RICTOR: variants seen among roughly 807,000 people sequenced by gnomAD.
RICTOR encodes rapamycin-insensitive companion of mTOR.
Under a neutral mutation model 214.9 loss-of-function variants are expected in RICTOR, and 49 were observed. The ratio of observed to expected loss-of-function variants is 0.23; its 90% CI spans 0.18 to 0.29. The LOEUF (loss-of-function observed/expected upper bound fraction) is 0.29, where lower values mean the gene tolerates loss of function less well. Among genes scored for constraint, RICTOR ranks in the 10% least tolerant of loss-of-function variants. The pLI, the probability that RICTOR is intolerant of heterozygous loss-of-function variation, is 1.00. For synonymous variants in RICTOR, 717 were observed against 711.3 expected (o/e 1.01, Z -0.13); for missense variants, 1,625 against 2,047.0 (o/e 0.79, Z 3.98).
At position 38,966,731 on chromosome 5, in the gene RICTOR, TA is replaced by T; in HGVS notation, c.1219-11del. The T allele has an allele frequency of 7.0e-7, 1 of 1,433,900 alleles. No homozygotes were observed. The highest frequency in any genetic ancestry group is 9.7e-7 in the Non-Finnish European group (1 of 1,030,782). The allele number at this position is 1,433,900 out of a possible 1,614,324, so 88.8% of individuals were successfully genotyped here. Reference sequence around the variant, plus strand: ...TCACTTCAACTAGACCCTTTGAAAATAAAAAGATAACACCACTGTTGCAAAA... The same window carrying T: ...TCACTTCAACTAGACCCTTTGAAAATAAAAGATAACACCACTGTTGCAAAA... On this transcript the variant is annotated splice_polypyrimidine_tract_variant and intron_variant, in intron 14 of 37. Transcript: ENST00000357387.
chr5:38,987,231 G>C (rs924281287), intron 7 of RICTOR, among the ~76,000 whole-genome samples: 1 of 152,048 alleles, frequency 6.6e-6, no homozygotes, highest in African/African-American at 2.4e-5. Context: ...GGATGGTACT[G>C]GCCTCAAAAA....
At chr5:38,942,451 A>G in intron 37 of RICTOR, 73 bp from the exon 38 acceptor site, 1 of 788,540 alleles carries the variant, frequency 1.3e-6, no homozygotes, top group Non-Finnish European at 1.9e-6. Context: ...ATAAATATCT[A>G]ATTTTTTTTT....
intron 3 of RICTOR, among the ~76,000 whole-genome samples, chr5:39,013,612 A>G (rs1304006913): frequency 1.3e-5 from 2 of 152,128 alleles, no homozygotes; most frequent in Non-Finnish European, 2.9e-5. Flanking sequence ...ATAGTTGTAA[A>G]TAAGCAAAAG....
chr5:39,010,633 G>T (rs942241229), intron 3 of RICTOR, among the ~76,000 whole-genome samples: 1 of 152,206 alleles, frequency 6.6e-6, no homozygotes, highest in African/African-American at 2.4e-5. Context: ...CTGAGATGGA[G>T]ATGAGGAACT....
chr5:38,968,833 G>A (rs1292135060), intron 11 of RICTOR, among the ~76,000 whole-genome samples: 1 of 151,566 alleles, frequency 6.6e-6, no homozygotes, highest in Non-Finnish European at 1.5e-5. Flanking sequence ...CATGTATACT[G>A]CCCCTGGAGA....
chr5:38,978,681 CTTTAT>C, intron 8 of RICTOR, 31 bp from the exon 9 acceptor site: 1 of 1,132,234 alleles, frequency 8.8e-7, no homozygotes, highest in Non-Finnish European at 1.3e-6. Context: ...AGAAAAGAGT[CTTTAT>C]TTTAAAATGC....
chr5:38,966,015 T>C (rs542803128), intron 15 of RICTOR, among the ~76,000 whole-genome samples: 5 of 152,256 alleles, frequency 3.3e-5, no homozygotes, highest in South Asian at 2.1e-4. Context: ...CCCTCATTGA[T>C]TGATTTGCTG....
chr5:39,012,868 C>T (rs966063163), intron 3 of RICTOR, among the ~76,000 whole-genome samples: 7 of 152,132 alleles, frequency 4.6e-5, no homozygotes, highest in Admixed American at 1.3e-4. Flanking sequence ...CAACGCCTAG[C>T]TAAACCTGAC....
chr5:39,016,717 T>A (rs1561536042), intron 3 of RICTOR, among the ~76,000 whole-genome samples: 1 of 152,122 alleles, frequency 6.6e-6, no homozygotes, highest in Non-Finnish European at 1.5e-5. Context: ...TTCCTAGAAA[T>A]GAAGGCTTTT....
intron 7 of RICTOR, among the ~76,000 whole-genome samples, chr5:38,988,023 A>C (rs774530749): frequency 2.6e-5 from 4 of 152,116 alleles, no homozygotes; most frequent in Non-Finnish European, 4.4e-5. Context: ...GTTTTGAGTG[A>C]GTTTCTTAAT....
intron 31 of RICTOR, chr5:38,949,379 A>G: frequency 6.3e-7 from 1 of 1,588,480 alleles, no homozygotes; most frequent in Non-Finnish European, 8.5e-7. Context: ...TTGTTATTGT[A>G]GGTCTTAAGC....
chr5:39,069,146 G>C (rs1759119703), intron 2 of RICTOR, among the ~76,000 whole-genome samples: 1 of 152,162 alleles, frequency 6.6e-6, no homozygotes, highest in African/African-American at 2.4e-5. Flanking sequence ...TTTTGCAAGA[G>C]GTTACTAGCA....
chr5:38,973,281 C>T (rs1471148005), intron 10 of RICTOR, among the ~76,000 whole-genome samples: 5 of 152,100 alleles, frequency 3.3e-5, no homozygotes, highest in African/African-American at 4.8e-5. Flanking sequence ...TCTCTCCCCC[C>T]GACAACAAAT....
rs372270394 is a variant in RICTOR at position 38,949,891 on chromosome 5, A to G, written c.3957T>C (p.Phe1319=). Residue 1319 remains phenylalanine (F), a synonymous_variant, in exon 31 of 38, where the codon TTT becomes TTC. Coordinates refer to ENST00000357387, the MANE Select transcript of RICTOR (RefSeq NM_152756.5). The part of the protein sequence containing the change: ...ATIKSLADCN[F]SYTSSRDAFG... ...AAGCATCTCTAGAACTTGTGTAACT[A>G]AAGTTACAATCTGCTAGACTTTTAA... The G allele has an allele frequency of 8.1e-6, 13 of 1,613,080 alleles. No homozygotes were observed. The highest frequency in any genetic ancestry group is 6.6e-5 in the South Asian group (6 of 91,062).
Position 38,942,875 on chromosome 5 carries a change from C to T in RICTOR, c.5010G>A (p.Arg1670=), listed in dbSNP as rs1333642433. ...LSHCTFRLPC[R]RFIQELFQDV... Reference sequence around the variant, plus strand: ...CTTGAAATAATTCTTGTATGAACCTCCGACACGGAAGTCTGAATGTGCAGT... The same window carrying T: ...CTTGAAATAATTCTTGTATGAACCTTCGACACGGAAGTCTGAATGTGCAGT... Residue 1670 remains arginine, a synonymous_variant, in exon 37 of 38, where the codon CGG becomes CGA. Transcript: ENST00000357387. The T allele has an allele frequency of 6.2e-7, 1 of 1,611,828 alleles. No individual in the cohort carries two copies.
intron 2 of RICTOR, among the ~76,000 whole-genome samples, chr5:39,050,944 T>C (rs1447744408): frequency 6.6e-6 from 1 of 152,130 alleles, no homozygotes; most frequent in African/African-American, 2.4e-5. Flanking sequence ...ATCCCAAGTG[T>C]TGACAAAAGT....
At chr5:39,056,744 T>C (rs762370639) in intron 2 of RICTOR, among the ~76,000 whole-genome samples, 11 of 152,002 alleles carry the variant, frequency 7.2e-5, no homozygotes, top group Non-Finnish European at 1.5e-4. Context: ...TAAGGTGACA[T>C]TTGAACAGAG....
chr5:39,048,412 T>A (rs1345558369), intron 2 of RICTOR, among the ~76,000 whole-genome samples: 2 of 152,238 alleles, frequency 1.3e-5, no homozygotes, highest in Non-Finnish European at 2.9e-5. Flanking sequence ...CAATATGTTT[T>A]ACATGAAATA....
chr5:38,954,811 A>G lies in RICTOR; in HGVS notation c.2660T>C (p.Val887Ala). Reference sequence around the variant, plus strand: ...CAAATGGCAGCCTGTTTTATGGTGTACTAGTTGTCCATAAAGGTGTATAGG... The same window carrying G: ...CAAATGGCAGCCTGTTTTATGGTGTGCTAGTTGTCCATAAAGGTGTATAGG... The part of the protein sequence containing the change: ...YLPIHLYGQL[V>A]HHKTGCHLLE... The change falls in exon 27 of 38, where the codon GTA (valine) becomes GCA (alanine). Residue 887 changes from valine (V) to alanine (A), a missense_variant. By Grantham distance (64) the Val-to-Ala change is moderately conservative. Around this residue, in one of 5 missense-constraint regions of RICTOR, gnomAD observed 1,214 missense variants for 1,470.5 expected, o/e 0.83. Coordinates refer to ENST00000357387, the MANE Select transcript of RICTOR (RefSeq NM_152756.5). 1.2e-6 allele frequency: 2 copies of G among 1,605,808 alleles called. No individual in the cohort carries two copies. The highest frequency in any genetic ancestry group is 1.7e-6 in the Non-Finnish European group (2 of 1,173,194).
Sources: allele counts gnomAD v4.1 joint callset (sites outside exome capture counted in the v4.1 genomes callset), GRCh38; gene constraint gnomAD v4.1.1; regional missense constraint gnomAD v4.1.1; transcripts MANE v1.5; gene names NCBI Gene and HGNC (gene_info 2026-07-23, HGNC 2026-07-21).